Variants in HS3ST4 observed in about 807,000 individuals in gnomAD.
HS3ST4 encodes the protein heparan sulfate-glucosamine 3-sulfotransferase 4, also known as heparan sulfate glucosamine 3-O-sulfotransferase 4.
Under a neutral mutation model 29.2 loss-of-function variants are expected in HS3ST4, and 17 were observed. The observed-to-expected ratio is 0.58, with a 90% confidence interval of 0.40 to 0.87. The LOEUF (loss-of-function observed/expected upper bound fraction) is 0.87, where lower values mean the gene tolerates loss of function less well. HS3ST4 is among the 40% of genes least tolerant of loss of function. The pLI, the probability that HS3ST4 is intolerant of heterozygous loss-of-function variation, is 0.00. For missense variants in HS3ST4, 627 were observed against 634.5 expected (o/e 0.99, Z 0.13); for synonymous variants, 314 against 285.7 (o/e 1.10, Z -1.00).
chr16:25,913,269 G>A (rs546253091), intron 1 of HS3ST4, among the ~76,000 whole-genome samples: 3 of 152,330 alleles, frequency 2.0e-5, no homozygotes, highest in South Asian at 2.1e-4. Flanking sequence ...TAACCCCCCC[G>A]GGGATGGTTA....
intron 1 of HS3ST4, among the ~76,000 whole-genome samples, chr16:25,921,912 G>T (rs565635410): frequency 6.6e-6 from 1 of 152,090 alleles, no homozygotes; most frequent in East Asian, 1.9e-4. Flanking sequence ...GTGCTGCCAT[G>T]CCTGGCTAAT....
intron 1 of HS3ST4, among the ~76,000 whole-genome samples, chr16:25,970,084 C>T (rs112373310): frequency 0.088 from 13,377 of 152,284 alleles, 781 homozygotes; most frequent in Non-Finnish European, 0.12. Context: ...CAGGACAAAA[C>T]ACCCTAATTC....
chr16:25,707,889 G>A (rs908585726), intron 1 of HS3ST4, among the ~76,000 whole-genome samples: 85 of 152,116 alleles, frequency 5.6e-4, no homozygotes, highest in African/African-American at 1.9e-3. Flanking sequence ...CTTATCCTCA[G>A]GGTGGCTTTT....
At position 26,076,160 on chromosome 16, in the gene HS3ST4, G is replaced by C. The variant is rs1898661979; in HGVS notation, c.735-59452G>C. Among the ~76,000 whole-genome samples, 3 of 152,192 alleles carry C rather than the reference G, an allele frequency of 2.0e-5. 1 individual carries two copies. Among genetic ancestry groups the C allele is most frequent in the Admixed American group, 2.0e-4 (3 of 15,282 alleles). On this transcript the variant is annotated intron_variant, in intron 1 of 1. Transcript: ENST00000331351. ...AGCTCTGTTAAAGTACAAAGCACTT[G>C]AAGGTACAGATGATATACTAACAGC...
chr16:25,891,694 A>G (rs780807829), intron 1 of HS3ST4, among the ~76,000 whole-genome samples: 5 of 152,224 alleles, frequency 3.3e-5, no homozygotes, highest in Admixed American at 3.3e-4. Flanking sequence ...GGATGTTAAA[A>G]TGATGTTGTA....
intron 1 of HS3ST4, among the ~76,000 whole-genome samples, chr16:25,892,135 G>A (rs930065590): frequency 6.6e-6 from 1 of 152,172 alleles, no homozygotes; most frequent in Non-Finnish European, 1.5e-5. Context: ...AAGGAACAAA[G>A]TTCAGGCCAA....
At chr16:25,982,678 A>T (rs541922181) in intron 1 of HS3ST4, among the ~76,000 whole-genome samples, 1 of 152,144 alleles carries the variant, frequency 6.6e-6, no homozygotes, top group Non-Finnish European at 1.5e-5. Flanking sequence ...ATTTTTTTTT[A>T]AACCGGTAGG....
intron 1 of HS3ST4, among the ~76,000 whole-genome samples, chr16:25,752,737 G>T (rs886847723): frequency 2.6e-5 from 4 of 152,116 alleles, no homozygotes; most frequent in African/African-American, 7.2e-5. Context: ...TTATTTCCCC[G>T]ATAGGTCTGC....
chr16:25,711,706 C>T (rs139501700), intron 1 of HS3ST4, among the ~76,000 whole-genome samples: 38 of 152,328 alleles, frequency 2.5e-4, no homozygotes, highest in African/African-American at 8.4e-4. Flanking sequence ...CTCTGTGACA[C>T]AAACACTCCC....
intron 1 of HS3ST4, among the ~76,000 whole-genome samples, chr16:25,982,967 C>G (rs1969023484): frequency 6.6e-6 from 1 of 152,224 alleles, no homozygotes; most frequent in Non-Finnish European, 1.5e-5. Context: ...GTGGCAGGCA[C>G]TGTTCTGGGC....
intron 1 of HS3ST4, among the ~76,000 whole-genome samples, chr16:26,093,908 G>A (rs1471399245): frequency 6.6e-6 from 1 of 152,196 alleles, no homozygotes; most frequent in Non-Finnish European, 1.5e-5. Flanking sequence ...ACAGTGTAGA[G>A]AAGATCTTAA....
chr16:25,785,607 G>C (rs1966856691), intron 1 of HS3ST4, among the ~76,000 whole-genome samples: 1 of 152,198 alleles, frequency 6.6e-6, no homozygotes, highest in South Asian at 2.1e-4. Context: ...CCATCCCTCA[G>C]CTTCTCTGTC....
At chr16:25,857,779 CAT>C (rs1248463051) in intron 1 of HS3ST4, among the ~76,000 whole-genome samples, 2 of 152,076 alleles carry the variant, frequency 1.3e-5, no homozygotes, top group African/African-American at 4.8e-5. Context: ...CAAACATACA[CAT>C]ATATAATTCT....
At chr16:25,762,291 A>G (rs181148181) in intron 1 of HS3ST4, among the ~76,000 whole-genome samples, 1 of 152,318 alleles carries the variant, frequency 6.6e-6, no homozygotes, top group Non-Finnish European at 1.5e-5. Flanking sequence ...TGGGAGAGGC[A>G]GGATTTGAAC....
intron 1 of HS3ST4, among the ~76,000 whole-genome samples, chr16:26,001,695 G>C (rs970049847): frequency 6.6e-6 from 1 of 152,074 alleles, no homozygotes; most frequent in African/African-American, 2.4e-5. Context: ...GTTGTTTGAG[G>C]GCATTTTAAA....
chr16:26,049,386 C>T (rs1044517421), intron 1 of HS3ST4, among the ~76,000 whole-genome samples: 1 of 148,804 alleles, frequency 6.7e-6, no homozygotes, highest in Non-Finnish European at 1.5e-5. Context: ...GGTCTACATC[C>T]GGAGGTCTAC....
chr16:25,999,894 A>ATATATTTTATATATATTATATATATTTTT (rs1555477414), intron 1 of HS3ST4, among the ~76,000 whole-genome samples: 4 of 103,756 alleles, frequency 3.9e-5, no homozygotes, highest in Admixed American at 1.2e-4. Context: ...ATATATATAT[A>ATATATTTTATATATATTATATATATTTTT]TTTTATATAT....
intron 1 of HS3ST4, among the ~76,000 whole-genome samples, chr16:26,085,171 A>G (rs1214416396): frequency 1.3e-5 from 2 of 152,218 alleles, no homozygotes; most frequent in African/African-American, 4.8e-5. Flanking sequence ...ATTTAGATCC[A>G]GAAAAATTGG....
At chr16:26,112,451 T>C (rs7201576) in intron 1 of HS3ST4, among the ~76,000 whole-genome samples, 142,570 of 145,780 alleles carry the variant, frequency 0.98, 69,831 homozygotes, top group Non-Finnish European at 1. Flanking sequence ...GACACGACCT[T>C]GGCCCACCAC....
Sources: allele counts gnomAD v4.1 joint callset (sites outside exome capture counted in the v4.1 genomes callset), GRCh38; gene constraint gnomAD v4.1.1; transcripts MANE v1.5; gene names NCBI Gene and HGNC (gene_info 2026-07-23, HGNC 2026-07-21).